Variants in CNOT10 observed in about 807,000 individuals in gnomAD.
CNOT10 encodes the protein CCR4-NOT transcription complex, subunit 10.
In CNOT10, 30 loss-of-function variants were observed where a neutral mutation model predicts 94.6. The observed-to-expected ratio is 0.32, with a 90% CI of 0.24 to 0.43. CNOT10 has a LOEUF of 0.43. CNOT10 is among the 20% of genes least tolerant of loss of function. The pLI, the probability that CNOT10 is intolerant of heterozygous loss-of-function variation, is 1.00. For synonymous variants in CNOT10, 289 were observed against 301.6 expected (o/e 0.96, Z 0.43); for missense variants, 759 against 877.2 (o/e 0.87, Z 1.70).
rs1194264378 is a variant in CNOT10 at position 32,717,156 on chromosome 3, C to T, written c.663C>T (p.Tyr221=). ...IEAAKSKIHQ[Y]KVRAYIQMKS... Reference sequence around the variant, plus strand: ...TACTAACATTTTCCCTTTGACAGTACAAAGTACGAGCTTATATCCAAATGA... The same window carrying T: ...TACTAACATTTTCCCTTTGACAGTATAAAGTACGAGCTTATATCCAAATGA... The change falls in exon 7 of 19, where the codon TAC becomes TAT. Residue 221 remains tyrosine (Y), a splice_region_variant and synonymous_variant. Coordinates refer to ENST00000328834, the MANE Select transcript of CNOT10 (RefSeq NM_015442.3). The T allele has an allele frequency of 3.2e-6, 5 of 1,584,712 alleles. No homozygotes were observed. The highest frequency in any genetic ancestry group is 1.8e-5 in the Admixed American group (1 of 57,068).
rs1055381491 is a variant in CNOT10 at position 32,773,769 on chromosome 3, A to G, written c.*158A>G. On this transcript the variant is annotated 3_prime_UTR_variant, in exon 19 of 19. Transcript: ENST00000328834. ...GCCAAAAGCTTACTTAAAATTAAGGATTTACTAAGTCATCATCAGCTGTTT... is the reference window on the plus strand; with the variant it reads ...GCCAAAAGCTTACTTAAAATTAAGGGTTTACTAAGTCATCATCAGCTGTTT... 1.5e-6 allele frequency: 1 copy of G among 656,794 alleles called. No individual in the cohort carries two copies. Among genetic ancestry groups the G allele is most frequent in the African/African-American group, 1.9e-5 (1 of 54,046 alleles). The allele number at this position is 656,794 out of a possible 1,614,324, so 40.7% of individuals were successfully genotyped here.
At chr3:32,721,791 C>T (rs900896582) in intron 8 of CNOT10, among the ~76,000 whole-genome samples, 14 of 151,182 alleles carry the variant, frequency 9.3e-5, no homozygotes, top group African/African-American at 2.9e-4. Flanking sequence ...AGACTACAGG[C>T]GTCTGCCACC....
intron 3 of CNOT10, among the ~76,000 whole-genome samples, 170 bp from the exon 4 acceptor site, chr3:32,708,500 A>T (rs1290974319): frequency 6.6e-6 from 1 of 152,242 alleles, no homozygotes; most frequent in Non-Finnish European, 1.5e-5. Flanking sequence ...GAAGAATGAA[A>T]ATAATTTTTA....
rs754610130 is a variant in CNOT10 at position 32,727,823 on chromosome 3, C to T, written c.1168C>T (p.Arg390Cys). 1 of 1,613,572 alleles carries T rather than the reference C, an allele frequency of 6.2e-7. No homozygotes were observed. Among genetic ancestry groups the T allele is most frequent in the South Asian group, 1.1e-5 (1 of 91,020 alleles). Residue 390 changes from arginine to cysteine, a missense_variant, in exon 10 of 19, where the codon CGC (arginine) becomes TGC (cysteine). Arg to Cys is a radical substitution (Grantham distance 180). Coordinates refer to ENST00000328834, the MANE Select transcript of CNOT10 (RefSeq NM_015442.3). Reference sequence around the variant, plus strand: ...TGTTCAGGTTTATCATGCAAATCCTCGCCTCTGGCTACGGCTGGCTGAATG... The same window carrying T: ...TGTTCAGGTTTATCATGCAAATCCTTGCCTCTGGCTACGGCTGGCTGAATG... ...EAVQVYHANPRLWLRLAECCI... is the reference protein window; with the variant it reads ...EAVQVYHANPCLWLRLAECCI...
intron 10 of CNOT10, among the ~76,000 whole-genome samples, chr3:32,732,121 T>G (rs1179767093): frequency 6.6e-6 from 1 of 151,816 alleles, no homozygotes. Flanking sequence ...CTGGGCGCGG[T>G]AGCTCACACC....
At chr3:32,754,305 A>G (rs1384195847) in intron 13 of CNOT10, among the ~76,000 whole-genome samples, 175 of 148,778 alleles carry the variant, frequency 1.2e-3, no homozygotes, top group African/African-American at 4.0e-3. Flanking sequence ...GTGAAACCCC[A>G]TCTCTACTAA....
At chr3:32,690,256 A>G (rs1696792131) in intron 1 of CNOT10, among the ~76,000 whole-genome samples, 1 of 152,180 alleles carries the variant, frequency 6.6e-6, no homozygotes, top group Admixed American at 6.5e-5. Context: ...AAATTGGGCA[A>G]ATTTCAAGAA....
intron 8 of CNOT10, among the ~76,000 whole-genome samples, chr3:32,724,632 T>C (rs1004845366): frequency 2.0e-5 from 3 of 152,152 alleles, no homozygotes; most frequent in South Asian, 2.1e-4. Context: ...GAGGATGGTC[T>C]CCATCTCCTG....
chr3:32,770,906 G>A (rs1700874615), intron 18 of CNOT10, among the ~76,000 whole-genome samples: 1 of 151,756 alleles, frequency 6.6e-6, no homozygotes, highest in Non-Finnish European at 1.5e-5. Context: ...TAGAGACCGG[G>A]TTCACCACGT....
At chr3:32,705,022 T>C (rs771338082) in intron 3 of CNOT10, 50 bp downstream of exon 3, 4 of 1,222,616 alleles carry the variant, frequency 3.3e-6, no homozygotes, top group Non-Finnish European at 4.4e-6. Flanking sequence ...TGTTCTTTAA[T>C]TTATGAAACA....
intron 8 of CNOT10, among the ~76,000 whole-genome samples, chr3:32,721,536 T>G (rs113622868): frequency 0.039 from 5,887 of 150,806 alleles, 177 homozygotes; most frequent in African/African-American, 0.078. Context: ...TAAAGCCAGT[T>G]AATAATATAA....
intron 13 of CNOT10, among the ~76,000 whole-genome samples, chr3:32,741,155 A>G (rs1440332943): frequency 6.6e-6 from 1 of 152,212 alleles, no homozygotes; most frequent in Admixed American, 6.6e-5. Context: ...AATGTTATAT[A>G]AATGGAATCA....
intron 3 of CNOT10, among the ~76,000 whole-genome samples, chr3:32,705,549 T>C (rs766941581): frequency 2.0e-5 from 3 of 152,208 alleles, no homozygotes; most frequent in African/African-American, 4.8e-5. Flanking sequence ...TGTATGCAAC[T>C]TCTCAGCTTG....
chr3:32,694,113 G>A (rs984890486), intron 1 of CNOT10, among the ~76,000 whole-genome samples: 18 of 147,274 alleles, frequency 1.2e-4, no homozygotes, highest in African/African-American at 4.5e-4. Context: ...TTGGTGGGGG[G>A]GTTGCAATAG....
chr3:32,762,774 T>C lies in CNOT10; in HGVS notation c.1751T>C (p.Leu584Pro). The change falls in exon 15 of 19, where the codon CTC (leucine) becomes CCC (proline). Residue 584 changes from leucine (L) to proline (P), a missense_variant. By Grantham distance (98) the Leu-to-Pro change is moderately conservative. This residue lies in a region of CNOT10 where 682 missense variants were observed against 799.4 expected (regional missense o/e 0.85). Coordinates refer to ENST00000328834, the MANE Select transcript of CNOT10 (RefSeq NM_015442.3). The stretch of plus-strand genomic sequence containing the variant: ...TATGCTGCAGAAGCCCTCATCTCTC[T>C]CGACAGAATATCTGATGCCATTACT... ...HLYAAEALIS[L>P]DRISDAITHL... The C allele has an allele frequency of 6.3e-7, 1 of 1,590,290 alleles. No individual in the cohort carries two copies. The highest frequency in any genetic ancestry group is 8.5e-7 in the Non-Finnish European group (1 of 1,174,160).
intron 15 of CNOT10, among the ~76,000 whole-genome samples, chr3:32,763,931 G>A (rs1476066636): frequency 2.0e-5 from 3 of 152,184 alleles, no homozygotes; most frequent in Non-Finnish European, 4.4e-5. Context: ...AGGAGTTCAA[G>A]ACCAGCCTGA....
intron 10 of CNOT10, among the ~76,000 whole-genome samples, chr3:32,728,510 G>A (rs1698787396): frequency 1.3e-5 from 2 of 151,978 alleles, no homozygotes; most frequent in African/African-American, 4.8e-5. Context: ...CTATTCAAGA[G>A]GCTGAAGCGG....
At position 32,708,786 on chromosome 3, in the gene CNOT10, T is replaced by C; in HGVS notation, c.396T>C (p.Val132=). Residue 132 remains valine (V), a synonymous_variant, in exon 4 of 19, where the codon GTT becomes GTC. Transcript: ENST00000328834. ...GGCAGTATACAGAAGCCATATCAGT[T>C]GGTGAAAAACTTTATCAGTTCATAG... is the stretch of plus-strand genomic sequence containing the variant. The part of the protein sequence containing the change: ...HLRQYTEAIS[V]GEKLYQFIEP... 6.2e-7 allele frequency: 1 copy of C among 1,612,674 alleles called. No homozygotes were observed. Among genetic ancestry groups the C allele is most frequent in the South Asian group, 1.1e-5 (1 of 90,890 alleles).
rs775420695 is a variant in CNOT10 at position 32,762,764 on chromosome 3, C to T, written c.1741C>T (p.Leu581Phe). Residue 581 changes from leucine to phenylalanine, a missense_variant, in exon 15 of 19, where the codon CTC becomes TTC. By Grantham distance (22) the Leu-to-Phe change is conservative. This residue lies in a region of CNOT10 where 682 missense variants were observed against 799.4 expected (regional missense o/e 0.85). Transcript: ENST00000328834. ...GGGACATTTATATGCTGCAGAAGCC[C>T]TCATCTCTCTCGACAGAATATCTGA... ...FLGHLYAAEALISLDRISDAI... is the reference protein window; with the variant it reads ...FLGHLYAAEAFISLDRISDAI... 1.9e-5 allele frequency: 31 copies of T among 1,591,488 alleles called. No homozygotes were observed. Among genetic ancestry groups the T allele is most frequent in the Non-Finnish European group, 2.6e-5 (31 of 1,174,366 alleles).
Sources: allele counts gnomAD v4.1 joint callset (sites outside exome capture counted in the v4.1 genomes callset), GRCh38; gene constraint gnomAD v4.1.1; regional missense constraint gnomAD v4.1.1; transcripts MANE v1.5; gene names NCBI Gene and HGNC (gene_info 2026-07-23, HGNC 2026-07-21).